The following TRPM7 variants were observed in gnomAD, a reference collection of about 807,000 sequenced individuals.
TRPM7 encodes LTRPC ion channel family member 7.
TRPM7 carries 134 observed loss-of-function variants against 229.7 expected under a neutral mutation model. That is an observed-to-expected ratio of 0.58 (90% CI 0.51 to 0.67). TRPM7 has a LOEUF of 0.67. Ranked by LOEUF, TRPM7 falls within the 30% of genes least tolerant of loss-of-function variation. The pLI is 0.00. For synonymous variants in TRPM7, 699 were observed against 715.2 expected, an observed-to-expected ratio of 0.98 and a Z score of 0.36; for missense variants, 1,901 against 2,210.0, an observed-to-expected ratio of 0.86 and a Z score of 2.80.
intron 1 of TRPM7, among the ~76,000 whole-genome samples, chr15:50,678,539 TATAC>T (rs1257692918): frequency 0.16 from 22,296 of 136,682 alleles, 2,281 homozygotes; most frequent in East Asian, 0.44. Flanking sequence ...TATATATATA[TATAC>T]ACACACACAC....
chr15:50,663,076 A>G (rs766310143), intron 1 of TRPM7, 30 bp from the exon 2 acceptor site: 4 of 1,536,170 alleles, frequency 2.6e-6, no homozygotes, highest in Middle Eastern at 3.4e-4. Context: ...AGAATTGTTT[A>G]TAAGTTAACC....
intron 1 of TRPM7, among the ~76,000 whole-genome samples, chr15:50,665,299 A>C (rs1400333707): frequency 6.6e-6 from 1 of 151,828 alleles, no homozygotes; most frequent in Non-Finnish European, 1.5e-5. Flanking sequence ...CAGGAGGCTG[A>C]GGCAGAACTG....
chr15:50,670,467 G>A (rs1189236423), intron 1 of TRPM7, among the ~76,000 whole-genome samples: 4 of 152,248 alleles, frequency 2.6e-5, no homozygotes, highest in East Asian at 3.9e-4. Flanking sequence ...TGGCAACAGA[G>A]TAGACCTCTT....
At chr15:50,672,206 A>T (rs565358511) in intron 1 of TRPM7, among the ~76,000 whole-genome samples, 1 of 152,044 alleles carries the variant, frequency 6.6e-6, no homozygotes, top group African/African-American at 2.4e-5. Flanking sequence ...GGCAACCACC[A>T]CCACACCCAG....
chr15:50,579,963 G>A (rs1453936254), intron 30 of TRPM7, among the ~76,000 whole-genome samples: 1 of 152,020 alleles, frequency 6.6e-6, no homozygotes, highest in Non-Finnish European at 1.5e-5. Flanking sequence ...ATTTAGAGAT[G>A]GGGTCTCACT....
intron 4 of TRPM7, among the ~76,000 whole-genome samples, chr15:50,645,411 A>C (rs1477267851): frequency 6.6e-6 from 1 of 151,936 alleles, no homozygotes; most frequent in Non-Finnish European, 1.5e-5. Flanking sequence ...CCAGGCTGGA[A>C]TGCCTCCCGG....
chr15:50,588,701 GT>G (rs1416907588), intron 27 of TRPM7, among the ~76,000 whole-genome samples: 1 of 152,152 alleles, frequency 6.6e-6, no homozygotes, highest in Admixed American at 6.5e-5. Flanking sequence ...CTTTCTAGGT[GT>G]TTTTAATTAT....
In TRPM7 at chr15:50,611,172, A is replaced by G; in HGVS notation, c.2201T>C (p.Val734Ala). 1 of 1,614,038 alleles carries G rather than the reference A, an allele frequency of 6.2e-7. No individual in the cohort carries two copies. Among genetic ancestry groups the G allele is most frequent in the Non-Finnish European group, 8.5e-7 (1 of 1,179,942 alleles). Residue 734 changes from valine to alanine, a missense_variant, in exon 17 of 39, where the codon GTA becomes GCA. This residue lies in a region of TRPM7 where 794 missense variants were observed against 881.9 expected (regional missense o/e 0.90). Coordinates refer to ENST00000646667, the MANE Select transcript of TRPM7 (RefSeq NM_017672.6). ...CAACATTTGTGTACAGGTGTGAGCT[A>G]CAAAAGGTCTAAGTCTTGAAGAAAC... ...LAVSSRLRPF[V>A]AHTCTQMLLS...
chr15:50,682,190 A>AAAAAAAAAAAAAAAAAC, intron 1 of TRPM7, among the ~76,000 whole-genome samples: 1 of 148,454 alleles, frequency 6.7e-6, no homozygotes, highest in Non-Finnish European at 1.5e-5. Flanking sequence ...AAAAAAAAAA[A>AAAAAAAAAAAAAAAAAC]AGGACTGTGA....
chr15:50,678,144 G>A (rs2062138670), intron 1 of TRPM7, among the ~76,000 whole-genome samples: 1 of 151,460 alleles, frequency 6.6e-6, no homozygotes, highest in South Asian at 2.1e-4. Context: ...GGGAGGCTGA[G>A]GCAGGAGGAT....
intron 15 of TRPM7, 30 bp downstream of exon 15, chr15:50,613,677 C>A (rs147715874): frequency 4.8e-6 from 7 of 1,461,552 alleles, no homozygotes; most frequent in South Asian, 1.5e-5. Flanking sequence ...AAATAAAAAC[C>A]CAGAAAGAAT....
In TRPM7 at chr15:50,612,621, C is replaced by T. The variant is rs1039939524; in HGVS notation, c.1979G>A (p.Arg660His). 5 of 1,613,958 alleles carry T rather than the reference C, an allele frequency of 3.1e-6. No homozygotes were observed. The highest frequency in any genetic ancestry group is 4.2e-6 in the Non-Finnish European group (5 of 1,180,006). The change falls in exon 16 of 39, where the codon CGT becomes CAT. Residue 660 changes from arginine to histidine, a missense_variant. Around this residue, in one of 8 missense-constraint regions of TRPM7, gnomAD observed 794 missense variants for 881.9 expected, o/e 0.90. Transcript: ENST00000646667. Reference protein sequence around the residue: ...AKALVACKIYRSMAYEAKQSD... With the variant: ...AKALVACKIYHSMAYEAKQSD... Reference sequence around the variant, plus strand: ...CTGCTTTGCTTCATATGCCATTGAACGATAGATCTTACAGGCAACTAATGC... The same window carrying T: ...CTGCTTTGCTTCATATGCCATTGAATGATAGATCTTACAGGCAACTAATGC...
chr15:50,622,455 T>C (rs1472872636), intron 12 of TRPM7, among the ~76,000 whole-genome samples: 1 of 152,266 alleles, frequency 6.6e-6, no homozygotes, highest in East Asian at 1.9e-4. Flanking sequence ...TTTATTTTTA[T>C]TATTTTACAT....
intron 2 of TRPM7, among the ~76,000 whole-genome samples, chr15:50,658,471 G>A (rs1307237495): frequency 6.6e-6 from 1 of 151,858 alleles, no homozygotes; most frequent in Non-Finnish European, 1.5e-5. Flanking sequence ...TAGGGAGGCT[G>A]AGGTGGGAGG....
At chr15:50,565,822 CT>C (rs780775871) in intron 38 of TRPM7, among the ~76,000 whole-genome samples, 1 of 129,842 alleles carries the variant, frequency 7.7e-6, no homozygotes, top group African/African-American at 2.8e-5. Flanking sequence ...ACCATAAACT[CT>C]TTTTGTTTTT....
At position 50,686,749 on chromosome 15, in the gene TRPM7, C is replaced by A. The variant is rs990614646; in HGVS notation, c.-216G>T. 3 of 552,630 alleles carry A rather than the reference C, an allele frequency of 5.4e-6. No homozygotes were observed. The highest frequency in any genetic ancestry group is 8.9e-6 in the Non-Finnish European group (3 of 337,642). 34.2% of individuals were successfully genotyped at this position (552,630 alleles called of 1,614,324 possible). On this transcript the variant is annotated 5_prime_UTR_variant, in exon 1 of 39. Transcript: ENST00000646667. ...GCGACCAACTCCTCCGGGTGACTGG[C>A]CACAGGGACGCGCCCGCGCCCGCCT...
At chr15:50,643,863 C>A (rs558788886) in intron 4 of TRPM7, among the ~76,000 whole-genome samples, 1 of 152,096 alleles carries the variant, frequency 6.6e-6, no homozygotes, top group African/African-American at 2.4e-5. Flanking sequence ...GTATTTATTG[C>A]CTTCTTTAAC....
At position 50,648,684 on chromosome 15, in the gene TRPM7, T is replaced by A. The variant is rs532817752; in HGVS notation, c.321+3A>T. ...ATGAAGAAAAATCCAATATGTGACA[T>A]ACCTTAGCTCTGTAGGAATGAGAAC... On this transcript the variant is annotated splice_donor_region_variant and intron_variant, in intron 4 of 38. Coordinates refer to ENST00000646667, the MANE Select transcript of TRPM7 (RefSeq NM_017672.6). 4.4e-6 allele frequency: 7 copies of A among 1,586,982 alleles called. No homozygotes were observed. The East Asian group carries it at 1.4e-4, about 31-fold the overall frequency.
At position 50,574,625 on chromosome 15, in the gene TRPM7, T is replaced by C. The variant is rs753962003; in HGVS notation, c.5102+12A>G. 5 of 1,603,326 alleles carry C rather than the reference T, an allele frequency of 3.1e-6. No homozygotes were observed. In the Admixed American group the frequency reaches 8.7e-5, roughly 28 times the overall value. On this transcript the variant is annotated intron_variant, in intron 35 of 38. Transcript: ENST00000646667. ...TATAATAAAAGATCCCAGAAAAAAA[T>C]TAAAGATTTACCTTGGAGAATATGG...
Sources: allele counts gnomAD v4.1 joint callset (sites outside exome capture counted in the v4.1 genomes callset), GRCh38; gene constraint gnomAD v4.1.1; regional missense constraint gnomAD v4.1.1; transcripts MANE v1.5; gene names NCBI Gene and HGNC (gene_info 2026-07-23, HGNC 2026-07-21).